Variants in GLIS3 observed in about 807,000 individuals in gnomAD.
GLIS3 encodes the protein GLIS family zinc finger 3, also known as zinc finger protein GLIS3.
GLIS3 carries 53 observed loss-of-function variants against 78.6 expected under a neutral mutation model. The ratio of observed to expected loss-of-function variants is 0.67; its 90% CI spans 0.54 to 0.85. The LOEUF (loss-of-function observed/expected upper bound fraction) is 0.85, where lower values mean the gene tolerates loss of function less well. Among genes scored for constraint, GLIS3 ranks in the 40% least tolerant of loss-of-function variants. The pLI, the probability that GLIS3 is intolerant of heterozygous loss-of-function variation, is 0.00. For synonymous variants in GLIS3, 684 were observed against 509.9 expected, an observed-to-expected ratio of 1.34 and a Z score of -4.60; for missense variants, 1,703 against 1,231.1, an observed-to-expected ratio of 1.38 and a Z score of -5.74.
chr9:4,315,019 G>A (rs932726185), intron 2 of GLIS3, among the ~76,000 whole-genome samples: 8 of 152,320 alleles, frequency 5.3e-5, no homozygotes, highest in East Asian at 1.9e-4. Flanking sequence ...AGCTACTGAA[G>A]AAATATTTCC....
intron 4 of GLIS3, among the ~76,000 whole-genome samples, chr9:4,096,040 G>C (rs933937303): frequency 1.4e-5 from 2 of 142,842 alleles, no homozygotes; most frequent in Non-Finnish European, 3.0e-5. Flanking sequence ...CTCTATCACA[G>C]ATTTTGTCAC....
Position 3,879,497 on chromosome 9 carries a change from C to A in GLIS3, c.2227G>T (p.Val743Leu), listed in dbSNP as rs757442845. The change falls in exon 8 of 11, where the codon GTA becomes TTA. Residue 743 changes from valine (V) to leucine (L), a missense_variant. Val to Leu is a conservative substitution (Grantham distance 32). Coordinates refer to ENST00000381971, the MANE Select transcript of GLIS3 (RefSeq NM_001042413.2). ...GAGGGGTTGTGAGGGCTCCCCTGTACATTATGTCCTGGAGAAGGGTGACTG... is the reference window on the plus strand; with the variant it reads ...GAGGGGTTGTGAGGGCTCCCCTGTAAATTATGTCCTGGAGAAGGGTGACTG... ...PVSHPSPGHN[V>L]QGSPHNPSSQ... 1.2e-6 allele frequency: 2 copies of A among 1,613,986 alleles called. No individual in the cohort carries two copies. Among genetic ancestry groups the A allele is most frequent in the African/African-American group, 2.7e-5 (2 of 74,906 alleles).
intron 2 of GLIS3, among the ~76,000 whole-genome samples, chr9:4,284,926 T>C (rs764231173): frequency 6.6e-6 from 1 of 150,804 alleles, no homozygotes; most frequent in African/African-American, 2.5e-5. Context: ...CTCAAAAAAT[T>C]TTCTAATTTA....
chr9:4,149,929 A>G (rs931353459), intron 2 of GLIS3, among the ~76,000 whole-genome samples: 1 of 152,260 alleles, frequency 6.6e-6, no homozygotes, highest in Non-Finnish European at 1.5e-5. Context: ...ATATCTTACT[A>G]CAAAAGGGAT....
upstream of GLIS3, among the ~76,000 whole-genome samples, chr9:4,302,167 A>G (rs935503258): frequency 2.0e-5 from 3 of 152,046 alleles, no homozygotes; most frequent in African/African-American, 7.2e-5. Context: ...GTAATGAGAG[A>G]CAGTGAGAAA....
At position 3,892,732 on chromosome 9, in the gene GLIS3, T is replaced by G. The variant is rs548512418; in HGVS notation, c.2128+5959A>C. On this transcript the variant is annotated intron_variant, in intron 7 of 10. Coordinates refer to ENST00000381971, the MANE Select transcript of GLIS3 (RefSeq NM_001042413.2). The stretch of plus-strand genomic sequence containing the variant: ...ATAACCACCTATGTTTTTCTTTCCT[T>G]GGAAGGCAAATTCAGTTGAAGCAGA... Among the ~76,000 whole-genome samples, 19 of 152,298 alleles carry G rather than the reference T, an allele frequency of 1.2e-4. 1 individual carries two copies. The highest frequency in any genetic ancestry group is 4.3e-4 in the African/African-American group (18 of 41,574).
chr9:3,998,413 T>C (rs960967250), intron 4 of GLIS3, among the ~76,000 whole-genome samples: 2 of 152,140 alleles, frequency 1.3e-5, no homozygotes, highest in African/African-American at 4.8e-5. Context: ...TTCTTACCTT[T>C]ATATTTACAC....
intron 4 of GLIS3, among the ~76,000 whole-genome samples, chr9:4,015,465 T>C (rs1037064279): frequency 6.6e-6 from 1 of 152,198 alleles, no homozygotes; most frequent in Non-Finnish European, 1.5e-5. Context: ...ATGTCTACCC[T>C]AGAAATATTA....
the GLIS3 span, among the ~76,000 whole-genome samples, chr9:4,374,713 G>T: frequency 6.6e-6 from 1 of 152,144 alleles, no homozygotes; most frequent in Non-Finnish European, 1.5e-5. Context: ...CTAGATGAAT[G>T]ATCACATACA....
chr9:4,090,512 G>A (rs930410441), intron 4 of GLIS3, among the ~76,000 whole-genome samples: 5 of 151,976 alleles, frequency 3.3e-5, no homozygotes, highest in Non-Finnish European at 7.4e-5. Flanking sequence ...ACAAAGCTAA[G>A]GGCGGAAAGA....
At chr9:4,170,175 G>T (rs935428615) in intron 2 of GLIS3, among the ~76,000 whole-genome samples, 1 of 152,128 alleles carries the variant, frequency 6.6e-6, no homozygotes, top group Admixed American at 6.6e-5. Context: ...GAGTTAAAGC[G>T]ATCTGAAGAA....
At chr9:4,313,648 A>T (rs1031573620) in intron 2 of GLIS3, among the ~76,000 whole-genome samples, 2 of 152,170 alleles carry the variant, frequency 1.3e-5, no homozygotes, top group African/African-American at 2.4e-5. Flanking sequence ...TCTTGAGTCA[A>T]AATGGACTAG....
chr9:3,980,363 T>A (rs1819157069), intron 4 of GLIS3, among the ~76,000 whole-genome samples: 1 of 152,188 alleles, frequency 6.6e-6, no homozygotes, highest in African/African-American at 2.4e-5. Flanking sequence ...TCGACGTAAG[T>A]GGCAGAGCTG....
intron 2 of GLIS3, among the ~76,000 whole-genome samples, chr9:4,140,456 G>T (rs1280076891): frequency 6.6e-6 from 1 of 152,168 alleles, no homozygotes; most frequent in Non-Finnish European, 1.5e-5. Context: ...TATTCTGCAT[G>T]GGCTTGCAAG....
intron 7 of GLIS3, 23 bp downstream of exon 7, chr9:3,898,668 G>A (rs774264365): frequency 6.2e-7 from 1 of 1,613,970 alleles, no homozygotes; most frequent in Non-Finnish European, 8.5e-7. Flanking sequence ...AGTTGTGGTT[G>A]GCTCTGCCTT....
At chr9:4,427,381 T>C in the GLIS3 span, among the ~76,000 whole-genome samples, 1 of 151,958 alleles carries the variant, frequency 6.6e-6, no homozygotes, top group Non-Finnish European at 1.5e-5. Context: ...TGGTAAGGGG[T>C]GGGAATCAGA....
In GLIS3 at chr9:4,037,212, A is replaced by T. The variant is rs116102570; in HGVS notation, c.1710+80556T>A. Among the ~76,000 whole-genome samples the T allele has an allele frequency of 9.0e-3, 1,364 of 152,264 alleles. 13 individuals are homozygous for T. The highest frequency in any genetic ancestry group is 0.029 in the East Asian group (152 of 5,190). On this transcript the variant is annotated intron_variant, in intron 4 of 10. Coordinates refer to ENST00000381971, the MANE Select transcript of GLIS3 (RefSeq NM_001042413.2). ...ACAAAGCTGTTAATTTCATTTCGAG[A>T]AAGATTTCTTGAGAGAGGCATCGTA...
intron 2 of GLIS3, among the ~76,000 whole-genome samples, chr9:4,319,822 C>A (rs1277574235): frequency 6.6e-6 from 1 of 152,126 alleles, no homozygotes; most frequent in East Asian, 1.9e-4. Flanking sequence ...CACAAAATTT[C>A]TACCCCAATA....
At chr9:4,467,992 G>C in the GLIS3 span, among the ~76,000 whole-genome samples, 1 of 152,144 alleles carries the variant, frequency 6.6e-6, no homozygotes, top group East Asian at 1.9e-4. Flanking sequence ...CGTGACACAG[G>C]CACAAGGTTC....
Sources: gnomAD v4.1 joint callset for allele counts (sites outside exome capture counted in the v4.1 genomes callset) on GRCh38, gnomAD v4.1.1 for gene constraint, MANE v1.5 for transcripts, NCBI Gene and HGNC (gene_info 2026-07-23, HGNC 2026-07-21) for gene names.